The following STK38L variants were observed in gnomAD, a reference collection of about 807,000 sequenced individuals.
STK38L encodes serine/threonine-protein kinase 38-like.
In STK38L, 28 loss-of-function variants were observed where a neutral mutation model predicts 59.7. The observed-to-expected ratio is 0.47, with a 90% CI of 0.35 to 0.64. STK38L has a LOEUF of 0.64. Among genes scored for constraint, STK38L ranks in the 30% least tolerant of loss-of-function variants. The pLI is 0.01. For missense variants in STK38L, 314 were observed against 555.8 expected, an observed-to-expected ratio of 0.56 and a Z score of 4.37; for synonymous variants, 162 against 176.8, an observed-to-expected ratio of 0.92 and a Z score of 0.66.
chr12:27,262,244 A>G (rs113859548), intron 1 of STK38L, among the ~76,000 whole-genome samples: 2 of 152,230 alleles, frequency 1.3e-5, no homozygotes, highest in East Asian at 3.8e-4. Flanking sequence ...TAATGCCATT[A>G]TTGAGAAGCC....
intron 1 of STK38L, among the ~76,000 whole-genome samples, chr12:27,246,405 T>C (rs1433345837): frequency 6.6e-6 from 1 of 152,192 alleles, no homozygotes; most frequent in African/African-American, 2.4e-5. Flanking sequence ...TCTCGATGTA[T>C]TGTTAAAATG....
intron 1 of STK38L, among the ~76,000 whole-genome samples, chr12:27,258,581 G>A (rs1218985192): frequency 6.6e-6 from 1 of 152,002 alleles, no homozygotes; most frequent in African/African-American, 2.4e-5. Context: ...TGCCCGCCTC[G>A]GCCTCCCAAA....
intron 1 of STK38L, among the ~76,000 whole-genome samples, chr12:27,265,222 T>G (rs1468424921): frequency 6.6e-6 from 1 of 152,220 alleles, no homozygotes; most frequent in African/African-American, 2.4e-5. Context: ...GATATGGCTT[T>G]CCTTCCGCTT....
intron 1 of STK38L, among the ~76,000 whole-genome samples, chr12:27,276,638 A>G (rs1943544038): frequency 6.6e-6 from 1 of 152,112 alleles, no homozygotes; most frequent in Non-Finnish European, 1.5e-5. Flanking sequence ...ATAAGGTTAA[A>G]TAGTTTTAAA....
intron 8 of STK38L, 21 bp from the exon 9 acceptor site, chr12:27,315,268 A>G (rs1409132661): frequency 6.2e-7 from 1 of 1,613,308 alleles, no homozygotes; most frequent in Admixed American, 1.7e-5. Context: ...CGTGATTACA[A>G]TTCCATATTG....
At chr12:27,305,894 A>G (rs7313818) in intron 3 of STK38L, among the ~76,000 whole-genome samples, 49,025 of 152,092 alleles carry the variant, frequency 0.32, 9,247 homozygotes, top group African/African-American at 0.53. Context: ...GAAAGGATGC[A>G]ATTACCACAA....
chr12:27,258,324 C>T (rs908089484), intron 1 of STK38L, among the ~76,000 whole-genome samples: 1 of 152,054 alleles, frequency 6.6e-6, no homozygotes, highest in African/African-American at 2.4e-5. Context: ...GGATAGTTGC[C>T]TTTTTGTGTG....
rs1301298512 is a variant in STK38L, at chr12:27,325,015, C to G, written c.*2560C>G. ...TTGGTTTTTCTAAGTATATAGAAAG[C>G]TTGTATAATTCAGATTTATCAATTT... On this transcript the variant is annotated 3_prime_UTR_variant, in exon 14 of 14. Transcript: ENST00000389032. 6.6e-6 allele frequency: 1 copy of G among 151,994 alleles called. No homozygotes were observed. The highest frequency in any genetic ancestry group is 2.4e-5 in the African/African-American group (1 of 41,426). The allele number at this position is 151,994 out of a possible 1,614,324, so 9.4% of individuals were successfully genotyped here. A position where few individuals can be genotyped will look rare whatever the true frequency, so the allele number is the denominator to read the frequency against.
intron 1 of STK38L, among the ~76,000 whole-genome samples, chr12:27,245,347 A>T (rs904931807): frequency 2.0e-5 from 3 of 152,238 alleles, no homozygotes; most frequent in Non-Finnish European, 2.9e-5. Flanking sequence ...TACTGCTCAA[A>T]TCTGAAAAAA....
chr12:27,320,466 T>C (rs1725973788), intron 12 of STK38L, among the ~76,000 whole-genome samples: 1 of 115,344 alleles, frequency 8.7e-6, no homozygotes, highest in Non-Finnish European at 1.9e-5. Flanking sequence ...TTTTTTTTTG[T>C]AGAGATGGGG....
At chr12:27,292,580 A>C (rs1197589843) in intron 1 of STK38L, among the ~76,000 whole-genome samples, 1 of 152,148 alleles carries the variant, frequency 6.6e-6, no homozygotes, top group Non-Finnish European at 1.5e-5. Context: ...AAAATCTATT[A>C]CATTAGAGTT....
chr12:27,268,608 A>G (rs910220642), intron 1 of STK38L, among the ~76,000 whole-genome samples: 1 of 152,344 alleles, frequency 6.6e-6, no homozygotes, highest in Non-Finnish European at 1.5e-5. Context: ...AAGCAGCATA[A>G]TTTATAATCC....
rs1396458938 is a variant in STK38L, at chr12:27,325,687, CAAATAT to C, written c.*3239_*3244del. 6.6e-6 allele frequency: 1 copy of C among 151,818 alleles called. No individual in the cohort carries two copies. Among genetic ancestry groups the C allele is most frequent in the African/African-American group, 2.4e-5 (1 of 41,324 alleles). 9.4% of individuals were successfully genotyped at this position (151,818 alleles called of 1,614,324 possible). On this transcript the variant is annotated 3_prime_UTR_variant, in exon 14 of 14. Coordinates refer to ENST00000389032, the MANE Select transcript of STK38L (RefSeq NM_015000.4). ...ATCTTAATGAAACAAACGCTTAGAA[CAAATAT>C]AAATATGAGACACTTGGGACTACTA...
chr12:27,296,116 T>A (rs1306007330), intron 1 of STK38L, among the ~76,000 whole-genome samples: 1 of 152,196 alleles, frequency 6.6e-6, no homozygotes, highest in African/African-American at 2.4e-5. Context: ...AATGCAATCA[T>A]GCATGGCAAG....
At chr12:27,301,108 C>G (rs1944158107) in intron 2 of STK38L, among the ~76,000 whole-genome samples, 1 of 152,166 alleles carries the variant, frequency 6.6e-6, no homozygotes, top group Admixed American at 6.5e-5. Flanking sequence ...TGTTCCACAA[C>G]CATCTCTCTA....
chr12:27,276,148 T>C (rs1156756222), intron 1 of STK38L, among the ~76,000 whole-genome samples: 5 of 152,208 alleles, frequency 3.3e-5, no homozygotes, highest in African/African-American at 7.2e-5. Flanking sequence ...GAGTAAACTG[T>C]ACCTCCCTGT....
chr12:27,306,983 C>A (rs1236191916), intron 3 of STK38L, among the ~76,000 whole-genome samples: 2 of 152,158 alleles, frequency 1.3e-5, no homozygotes, highest in Non-Finnish European at 2.9e-5. Context: ...TCCACCTCGG[C>A]CTCCCAAAGT....
At chr12:27,313,076 G>T (rs1014333685) in intron 6 of STK38L, among the ~76,000 whole-genome samples, 2 of 151,978 alleles carry the variant, frequency 1.3e-5, no homozygotes, top group African/African-American at 2.4e-5. Flanking sequence ...GTGAAACCCC[G>T]TCTCTACTAA....
intron 1 of STK38L, among the ~76,000 whole-genome samples, chr12:27,248,651 C>G (rs1942908573): frequency 6.6e-6 from 1 of 152,126 alleles, no homozygotes; most frequent in Admixed American, 6.5e-5. Context: ...AAGTACAGCT[C>G]CAGAGTCATA....
Sources: gnomAD v4.1 joint callset for allele counts (sites outside exome capture counted in the v4.1 genomes callset) on GRCh38, gnomAD v4.1.1 for gene constraint, MANE v1.5 for transcripts, NCBI Gene and HGNC (gene_info 2026-07-23, HGNC 2026-07-21) for gene names.